RAPGEF5: variants seen among roughly 807,000 people sequenced by gnomAD.
RAPGEF5 encodes the protein Rap guanine nucleotide exchange factor 5.
RAPGEF5 carries 65 observed loss-of-function variants against 125.2 expected under a neutral mutation model. The observed-to-expected ratio is 0.52, with a 90% CI of 0.43 to 0.64. RAPGEF5 has a LOEUF of 0.64. Among genes scored for constraint, RAPGEF5 ranks in the 30% least tolerant of loss-of-function variants. The probability of loss-of-function intolerance (pLI) is 0.00; values close to 1 mark genes in which losing one functional copy is unlikely to be tolerated. For missense variants in RAPGEF5, 958 were observed against 1,048.1 expected (o/e 0.91, Z 1.19); for synonymous variants, 391 against 385.9 (o/e 1.01, Z -0.16).
At chr7:22,266,925 A>T in intron 7 of RAPGEF5, 39 bp downstream of exon 7, 2 of 1,566,088 alleles carry the variant, frequency 1.3e-6, no homozygotes, top group Non-Finnish European at 8.8e-7. Flanking sequence ...ACCCCCAAAG[A>T]ATTAGAATCT....
At chr7:22,155,268 C>T (rs577370895) in intron 16 of RAPGEF5, among the ~76,000 whole-genome samples, 38 of 152,220 alleles carry the variant, frequency 2.5e-4, no homozygotes, top group Non-Finnish European at 4.7e-4. Context: ...GTCTGTGGTG[C>T]TAATAATTAT....
In RAPGEF5 at chr7:22,156,896, A is replaced by G. The variant is rs1229034945; in HGVS notation, c.1558-8T>C. The stretch of plus-strand genomic sequence containing the variant: ...GTGGAAAAGGGCTTTATTCTGTGAG[A>G]TGGGAGAAAGAGAACAATGAATGAA... On this transcript the variant is annotated splice_region_variant and splice_polypyrimidine_tract_variant and intron_variant, in intron 15 of 25. Coordinates refer to ENST00000665637, the MANE Select transcript of RAPGEF5 (RefSeq NM_012294.5). The G allele has an allele frequency of 6.2e-6, 10 of 1,613,882 alleles. No individual in the cohort carries two copies. Among genetic ancestry groups the G allele is most frequent in the Middle Eastern group, 1.7e-4 (1 of 6,060 alleles).
In RAPGEF5 at chr7:22,219,945, A is replaced by G; in HGVS notation, c.917T>C (p.Ile306Thr). 2.5e-6 allele frequency: 4 copies of G among 1,613,600 alleles called. No individual in the cohort carries two copies. The highest frequency in any genetic ancestry group is 2.5e-6 in the Non-Finnish European group (3 of 1,179,678). The change falls in exon 9 of 26, where the codon ATT becomes ACT. Residue 306 changes from isoleucine to threonine, a missense_variant. Ile to Thr is a moderately conservative substitution (Grantham distance 89). Coordinates refer to ENST00000665637, the MANE Select transcript of RAPGEF5 (RefSeq NM_012294.5). ...TTTTGCCAGCTTCTGGACTAGTTCAATTCGTCCGATTTCATCTCTTTCCTG... is the reference window on the plus strand; with the variant it reads ...TTTTGCCAGCTTCTGGACTAGTTCAGTTCGTCCGATTTCATCTCTTTCCTG... ...KLQERDEIGR[I>T]ELVQKLAKEN... is the part of the protein sequence containing the mutation.
intron 20 of RAPGEF5, 141 bp from the exon 21 acceptor site, chr7:22,140,256 T>C (rs958415129): frequency 1.5e-6 from 1 of 682,674 alleles, no homozygotes; most frequent in Non-Finnish European, 2.5e-6. Context: ...CTTACTGCCC[T>C]TCAGCTGTCT....
At chr7:22,146,840 A>G in intron 19 of RAPGEF5, 57 bp downstream of exon 19, 1 of 1,561,520 alleles carries the variant, frequency 6.4e-7, no homozygotes, top group Non-Finnish European at 8.7e-7. Flanking sequence ...GATATTCTTC[A>G]CAAAGAATTC....
At chr7:22,123,691 G>A (rs1250833897) in intron 25 of RAPGEF5, among the ~76,000 whole-genome samples, 1 of 152,180 alleles carries the variant, frequency 6.6e-6, no homozygotes, top group Admixed American at 6.5e-5. Context: ...AACACACTAG[G>A]TGTTAAAGTT....
At chr7:22,126,180 A>T (rs901775950) in intron 24 of RAPGEF5, among the ~76,000 whole-genome samples, 1 of 152,094 alleles carries the variant, frequency 6.6e-6, no homozygotes, top group African/African-American at 2.4e-5. Flanking sequence ...AGTAGCACCC[A>T]ATCCGGGTTG....
rs7777027 is a variant in RAPGEF5 at position 22,131,777 on chromosome 7, T to C, written c.2417-676A>G. Among the ~76,000 whole-genome samples, 732 of 152,324 alleles carry C rather than the reference T, an allele frequency of 4.8e-3. 10 individuals carry two copies. The highest frequency in any genetic ancestry group is 0.016 in the African/African-American group (669 of 41,582). ...AAGTTAAATTTGGTTTGAGGCTCAC[T>C]GCATTTAAATGAGTGAGGATATTCA... On this transcript the variant is annotated intron_variant, in intron 23 of 25. Coordinates refer to ENST00000665637, the MANE Select transcript of RAPGEF5 (RefSeq NM_012294.5).
intron 6 of RAPGEF5, among the ~76,000 whole-genome samples, chr7:22,290,483 C>T (rs1191610898): frequency 2.6e-5 from 4 of 152,200 alleles, no homozygotes; most frequent in African/African-American, 2.4e-5. Flanking sequence ...CGGTGGCTCA[C>T]GCCTGTAATC....
In RAPGEF5 at chr7:22,193,956, A is replaced by G. The variant is rs1312838377; in HGVS notation, c.1074T>C (p.Cys358=). 6.2e-7 allele frequency: 1 copy of G among 1,613,938 alleles called. No individual in the cohort carries two copies. The highest frequency in any genetic ancestry group is 8.5e-7 in the Non-Finnish European group (1 of 1,179,868). The stretch of plus-strand genomic sequence containing the variant: ...CACTCCCAGCTGTGGGGGCTGGGCC[A>G]CAGCACTGCACTTTCTTCAGCACCA... The part of the protein sequence containing the change: ...SVLVLKKVQC[C]GPAPTAGSAE... The change falls in exon 10 of 26, where the codon TGT becomes TGC. Residue 358 remains cysteine (C), a synonymous_variant. Transcript: ENST00000665637.
intron 9 of RAPGEF5, among the ~76,000 whole-genome samples, chr7:22,200,611 T>C (rs987370061): frequency 2.0e-5 from 3 of 152,214 alleles, no homozygotes; most frequent in Non-Finnish European, 4.4e-5. Flanking sequence ...AAAGTCTGAC[T>C]TTTATAGATA....
At chr7:22,278,261 T>C (rs2128144100) in intron 6 of RAPGEF5, among the ~76,000 whole-genome samples, 1 of 152,302 alleles carries the variant, frequency 6.6e-6, no homozygotes, top group African/African-American at 2.4e-5. Context: ...GAATGTTCTT[T>C]TCTTTCCCTT....
chr7:22,333,269 G>T (rs112383298), intron 1 of RAPGEF5, among the ~76,000 whole-genome samples: 4,440 of 152,180 alleles, frequency 0.029, 207 homozygotes, highest in African/African-American at 0.1. Context: ...CAGATACAGT[G>T]GGGGGTCAGG....
chr7:22,178,300 G>GA (rs559913078), intron 11 of RAPGEF5, among the ~76,000 whole-genome samples: 40 of 151,816 alleles, frequency 2.6e-4, no homozygotes, highest in African/African-American at 7.0e-4. Context: ...AGATTATACT[G>GA]AAAAAAAACC....
intron 7 of RAPGEF5, among the ~76,000 whole-genome samples, chr7:22,241,609 G>A (rs528388790): frequency 1.1e-3 from 173 of 152,222 alleles, no homozygotes; most frequent in African/African-American, 3.7e-3. Context: ...ACTTGTAAAC[G>A]GGAGATGATA....
At chr7:22,130,881 C>T in intron 24 of RAPGEF5, 156 bp downstream of exon 24, 1 of 1,027,222 alleles carries the variant, frequency 9.7e-7, no homozygotes, top group Non-Finnish European at 1.4e-6. Context: ...GTACAACATG[C>T]AGCAAATAAG....
At chr7:22,236,315 T>G (rs566296295) in intron 7 of RAPGEF5, among the ~76,000 whole-genome samples, 36 of 152,176 alleles carry the variant, frequency 2.4e-4, no homozygotes, top group Non-Finnish European at 4.9e-4. Flanking sequence ...TGCCCACTTC[T>G]CTGAGTTCCA....
intron 1 of RAPGEF5, among the ~76,000 whole-genome samples, chr7:22,351,756 T>C (rs1784334857): frequency 6.6e-6 from 1 of 152,242 alleles, no homozygotes; most frequent in Non-Finnish European, 1.5e-5. Context: ...AAAACGGCGA[T>C]ACATTGGGCA....
intron 5 of RAPGEF5, among the ~76,000 whole-genome samples, chr7:22,299,482 C>T (rs930469475): frequency 6.6e-6 from 1 of 152,002 alleles, no homozygotes; most frequent in Non-Finnish European, 1.5e-5. Flanking sequence ...CACTGAAAAG[C>T]CCACCAAATG....
Sources: allele counts gnomAD v4.1 joint callset (sites outside exome capture counted in the v4.1 genomes callset), GRCh38; gene constraint gnomAD v4.1.1; transcripts MANE v1.5; gene names NCBI Gene and HGNC (gene_info 2026-07-23, HGNC 2026-07-21).